The following OTOL1 variants were observed in gnomAD, a reference collection of about 807,000 sequenced individuals.
OTOL1 encodes the protein otolin-1.
Under a neutral mutation model 25.0 loss-of-function variants are expected in OTOL1, and 31 were observed. The ratio of observed to expected loss-of-function variants is 1.24; its 90% CI spans 0.93 to 1.67. The LOEUF (loss-of-function observed/expected upper bound fraction) is 1.67, where lower values mean the gene tolerates loss of function less well. OTOL1 is among the 40% of genes most tolerant of loss of function. OTOL1 has a pLI of 0.00. For synonymous variants in OTOL1, 225 were observed against 210.3 expected (o/e 1.07, Z -0.61); for missense variants, 654 against 587.7 (o/e 1.11, Z -1.17).
In OTOL1 at chr3:161,496,929, C is replaced by T; in HGVS notation, c.122C>T (p.Pro41Leu). ...FTKKSEEREMPKGLKPSSGPP... is the reference protein window; with the variant it reads ...FTKKSEEREMLKGLKPSSGPP... Reference sequence around the variant, plus strand: ...AAGAAATCTGAGGAAAGAGAGATGCCAAAGGGTCTAAAGCCATCCAGTGGC... The same window carrying T: ...AAGAAATCTGAGGAAAGAGAGATGCTAAAGGGTCTAAAGCCATCCAGTGGC... The change falls in exon 1 of 4, where the codon CCA becomes CTA. Residue 41 changes from proline to leucine, a missense_variant. Pro to Leu is a moderately conservative substitution (Grantham distance 98). Transcript: ENST00000327928. The T allele has an allele frequency of 1.9e-6, 3 of 1,613,436 alleles. No homozygotes were observed. The highest frequency in any genetic ancestry group is 2.5e-6 in the Non-Finnish European group (3 of 1,179,638).
chr3:161,503,337 A>G lies in OTOL1; in HGVS notation c.829A>G (p.Ser277Gly). 1 of 1,576,140 alleles carries G rather than the reference A, an allele frequency of 6.3e-7. No individual in the cohort carries two copies. The highest frequency in any genetic ancestry group is 8.6e-7 in the Non-Finnish European group (1 of 1,163,588). ...SKGDSGMEGK[S>G]GRNGLPGAKG... ...AGGAGACAGTGGAATGGAAGGCAAAAGCGGCCGTAATGGTCTGCCTGGGGC... is the reference window on the plus strand; with the variant it reads ...AGGAGACAGTGGAATGGAAGGCAAAGGCGGCCGTAATGGTCTGCCTGGGGC... The change falls in exon 4 of 4, where the codon AGC becomes GGC. Residue 277 changes from serine to glycine, a missense_variant. Coordinates refer to ENST00000327928, the MANE Select transcript of OTOL1 (RefSeq NM_001080440.1).
chr3:161,497,420 T>G (rs1718861970), intron 1 of OTOL1, among the ~76,000 whole-genome samples: 1 of 152,122 alleles, frequency 6.6e-6, no homozygotes, highest in Non-Finnish European at 1.5e-5. Flanking sequence ...GTTCAAGTGC[T>G]CAACAGCCAC....
intron 2 of OTOL1, among the ~76,000 whole-genome samples, chr3:161,499,463 C>A (rs1718918213): frequency 6.6e-6 from 1 of 152,152 alleles, no homozygotes; most frequent in African/African-American, 2.4e-5. Context: ...GGGAACACTG[C>A]ACACATGCAT....
rs188013143 is a variant in OTOL1 at position 161,499,084 on chromosome 3, G to T, written c.365-87G>T. On this transcript the variant is annotated intron_variant, in intron 1 of 3. Transcript: ENST00000327928. ...ATTAGGTCATTGATACTTATTGATT[G>T]CAGTAAAATGCTTTTTTTCTTTCCT... 2.0e-5 allele frequency: 19 copies of T among 959,336 alleles called. No homozygotes were observed. In the African/African-American group the frequency reaches 2.7e-4, roughly 13 times the overall value. The allele number at this position is 959,336 out of a possible 1,614,324, so 59.4% of individuals were successfully genotyped here.
rs750515030 is a variant in OTOL1, at chr3:161,503,403, G to A, written c.895G>A (p.Gly299Ser). Residue 299 changes from glycine to serine, a missense_variant, in exon 4 of 4, where the codon GGT becomes AGT. Gly to Ser is a moderately conservative substitution (Grantham distance 56). Transcript: ENST00000327928. The part of the protein sequence containing the change: ...PGIKGEKGEL[G>S]PPGLLGPTGP... The stretch of plus-strand genomic sequence containing the variant: ...GATTAAAGGAGAAAAAGGAGAGTTA[G>A]GTCCTCCTGGTCTCCTGGGACCTAC... The A allele has an allele frequency of 6.8e-6, 11 of 1,611,702 alleles. No individual in the cohort carries two copies. The Admixed American group carries it at 1.8e-4, about 27-fold the overall frequency.
chr3:161,503,796 CT>C lies in OTOL1; in HGVS notation c.1289del (p.Leu430ProfsTer4). ...YGQEIDQASL[L>X]VILKLSAGDQ... ...TCAGGAAATAGACCAGGCCTCTCTC[CT>C]CGTCATCTTGAAATTAAGTGCAGGA... On this transcript the variant is annotated frameshift_variant, in exon 4 of 4. Transcript: ENST00000327928. LOFTEE classifies it high-confidence loss of function. The C allele has an allele frequency of 6.2e-7, 1 of 1,613,938 alleles. No individual in the cohort carries two copies.
chr3:161,503,521 C>T lies in OTOL1; in HGVS notation c.1013C>T (p.Ala338Val). The change falls in exon 4 of 4, where the codon GCT becomes GTT. Residue 338 changes from alanine (A) to valine (V), a missense_variant. Coordinates refer to ENST00000327928, the MANE Select transcript of OTOL1 (RefSeq NM_001080440.1). ...TTTAAAGGCTCCAAGGGTGAGTTGG[C>T]TAGAGTGCCCCGGTCGGCTTTCAGC... is the stretch of plus-strand genomic sequence containing the variant. Reference protein sequence around the residue: ...RGFKGSKGELARVPRSAFSAG... With the variant: ...RGFKGSKGELVRVPRSAFSAG... The T allele has an allele frequency of 1.2e-6, 2 of 1,613,768 alleles. No homozygotes were observed. The highest frequency in any genetic ancestry group is 8.5e-7 in the Non-Finnish European group (1 of 1,179,814).
Position 161,503,408 on chromosome 3 carries a change from T to C in OTOL1, c.900T>C (p.Pro300=), listed in dbSNP as rs758406078. 3 of 1,612,508 alleles carry C rather than the reference T, an allele frequency of 1.9e-6. No homozygotes were observed. In the Admixed American group the frequency reaches 5.0e-5, roughly 27 times the overall value. Residue 300 remains proline, a synonymous_variant, in exon 4 of 4, where the codon CCT becomes CCC. Transcript: ENST00000327928. ...GIKGEKGELG[P]PGLLGPTGPK... ...AAGGAGAAAAAGGAGAGTTAGGTCC[T>C]CCTGGTCTCCTGGGACCTACTGGGC... is the stretch of plus-strand genomic sequence containing the variant.
chr3:161,499,353 G>A (rs967221242), intron 2 of OTOL1, 93 bp downstream of exon 2: 2 of 880,116 alleles, frequency 2.3e-6, no homozygotes, highest in Non-Finnish European at 3.5e-6. Context: ...TCTTGCAGAT[G>A]AGTCAATTTT....
Position 161,496,817 on chromosome 3 carries a change from T to G in OTOL1, c.10T>G (p.Phe4Val). The change falls in exon 1 of 4, where the codon TTT becomes GTT. Residue 4 changes from phenylalanine to valine, a missense_variant. Coordinates refer to ENST00000327928, the MANE Select transcript of OTOL1 (RefSeq NM_001080440.1). MWMFSWLCAILIIL... is the reference protein window; with the variant it reads MWMVSWLCAILIIL... Reference sequence around the variant, plus strand: ...TCTTCCAGCTTCAAATATGTGGATGTTTTCTTGGCTTTGTGCTATTTTAAT... The same window carrying G: ...TCTTCCAGCTTCAAATATGTGGATGGTTTCTTGGCTTTGTGCTATTTTAAT... 6.4e-7 allele frequency: 1 copy of G among 1,569,640 alleles called. No homozygotes were observed. Among genetic ancestry groups the G allele is most frequent in the Non-Finnish European group, 8.6e-7 (1 of 1,160,104 alleles).
rs761155844 is a variant in OTOL1 at position 161,503,364 on chromosome 3, A to G, written c.856A>G (p.Lys286Glu). The change falls in exon 4 of 4, where the codon AAA becomes GAA. Residue 286 changes from lysine to glutamate, a missense_variant. Transcript: ENST00000327928. ...CGGCCGTAATGGTCTGCCTGGGGCCAAAGGTGATCCAGGGATTAAAGGAGA... is the reference window on the plus strand; with the variant it reads ...CGGCCGTAATGGTCTGCCTGGGGCCGAAGGTGATCCAGGGATTAAAGGAGA... ...KSGRNGLPGA[K>E]GDPGIKGEKG... The G allele has an allele frequency of 1.9e-6, 3 of 1,604,480 alleles. No individual in the cohort carries two copies. The highest frequency in any genetic ancestry group is 8.5e-7 in the Non-Finnish European group (1 of 1,175,512).
rs1719037285 is a variant in OTOL1, at chr3:161,503,681, C to T, written c.1173C>T (p.Ser391=). 6.2e-7 allele frequency: 1 copy of T among 1,613,582 alleles called. No individual in the cohort carries two copies. Among genetic ancestry groups the T allele is most frequent in the Non-Finnish European group, 8.5e-7 (1 of 1,179,736 alleles). Residue 391 remains serine, a synonymous_variant, in exon 4 of 4, where the codon TCC becomes TCT. Coordinates refer to ENST00000327928, the MANE Select transcript of OTOL1 (RefSeq NM_001080440.1). ...CTATTCCTGGGACATATGTTTTTTC[C>T]TACCATATTACGGTGAGGGGGCGAC... ...NCSIPGTYVF[S]YHITVRGRPA... is the part of the protein sequence containing the mutation.
At position 161,502,186 on chromosome 3, in the gene OTOL1, G is replaced by A. The variant is rs371852561; in HGVS notation, c.455-121G>A. The A allele has an allele frequency of 5.9e-5, 52 of 884,384 alleles. No homozygotes were observed. In the East Asian group the frequency reaches 1.0e-3, roughly 17 times the overall value. The allele number at this position is 884,384 out of a possible 1,614,324, so 54.8% of individuals were successfully genotyped here. On this transcript the variant is annotated intron_variant, in intron 2 of 3. Transcript: ENST00000327928. ...CCTGGCGTACATTCTTTTTCCACACGATTTAACTTTAGCCCATTTTGGTTA... is the reference window on the plus strand; with the variant it reads ...CCTGGCGTACATTCTTTTTCCACACAATTTAACTTTAGCCCATTTTGGTTA...
Position 161,503,236 on chromosome 3 carries a change from G to C in OTOL1, c.728G>C (p.Cys243Ser), listed in dbSNP as rs1256064279. ...GEKGEMGDKG[C>S]CGDSGERGGK... ...AAGGGGGAGATGGGGGATAAGGGCTGCTGTGGAGATTCTGGGGAGAGGGGA... is the reference window on the plus strand; with the variant it reads ...AAGGGGGAGATGGGGGATAAGGGCTCCTGTGGAGATTCTGGGGAGAGGGGA... Residue 243 changes from cysteine (C) to serine (S), a missense_variant, in exon 4 of 4, where the codon TGC (cysteine) becomes TCC (serine). Transcript: ENST00000327928. The C allele has an allele frequency of 2.1e-6, 3 of 1,460,090 alleles. No individual in the cohort carries two copies. The Admixed American group carries it at 8.4e-5, about 41-fold the overall frequency. The allele number at this position is 1,460,090 out of a possible 1,614,324, so 90.4% of individuals were successfully genotyped here.
chr3:161,497,440 C>T (rs1365835953), intron 1 of OTOL1, among the ~76,000 whole-genome samples: 1 of 152,110 alleles, frequency 6.6e-6, no homozygotes. Context: ...CTGTATTGGG[C>T]AGCACAGATA....
intron 2 of OTOL1, 24 bp downstream of exon 2, chr3:161,499,284 A>T: frequency 6.5e-7 from 1 of 1,531,434 alleles, no homozygotes; most frequent in Non-Finnish European, 8.9e-7. Flanking sequence ...TCATGTCAAA[A>T]CTCAAGGGAC....
intron 1 of OTOL1, 140 bp downstream of exon 1, chr3:161,497,311 T>G (rs919619494): frequency 4.2e-6 from 4 of 952,642 alleles, no homozygotes; most frequent in Non-Finnish European, 6.2e-6. Context: ...TTGTTACAAA[T>G]GTAAATGGGT....
At chr3:161,500,764 C>T (rs563996536) in intron 2 of OTOL1, among the ~76,000 whole-genome samples, 10 of 152,236 alleles carry the variant, frequency 6.6e-5, no homozygotes, top group African/African-American at 2.2e-4. Flanking sequence ...TCTCAAAATG[C>T]GTCCAGTTAT....
intron 2 of OTOL1, among the ~76,000 whole-genome samples, chr3:161,501,272 A>T (rs1718969193): frequency 6.6e-6 from 1 of 152,204 alleles, no homozygotes; most frequent in African/African-American, 2.4e-5. Flanking sequence ...GGCTGGATTA[A>T]GTAAAAAAAA....
Sources: gnomAD v4.1 joint callset for allele counts (sites outside exome capture counted in the v4.1 genomes callset) on GRCh38, gnomAD v4.1.1 for gene constraint, MANE v1.5 for transcripts, NCBI Gene and HGNC (gene_info 2026-07-23, HGNC 2026-07-21) for gene names.